Variants in GPC6 observed in about 807,000 individuals in gnomAD.
The protein encoded by GPC6 is glypican 6, also known as glypican-6.
A neutral mutation model predicts 55.2 loss-of-function variants in GPC6; 14 were observed. That is an observed-to-expected ratio of 0.25 (90% CI 0.17 to 0.40). GPC6 has a LOEUF of 0.40. GPC6 is among the 10% of genes least tolerant of loss of function. The probability of loss-of-function intolerance (pLI) is 1.00; values close to 1 mark genes in which losing one functional copy is unlikely to be tolerated. For missense variants in GPC6, 641 were observed against 708.5 expected (o/e 0.90, Z 1.08); for synonymous variants, 278 against 259.6 (o/e 1.07, Z -0.68).
intron 2 of GPC6, among the ~76,000 whole-genome samples, chr13:93,780,852 T>G (rs1885619526): frequency 6.6e-6 from 1 of 152,230 alleles, no homozygotes; most frequent in Non-Finnish European, 1.5e-5. Flanking sequence ...TGATTTTATT[T>G]TTAATTTCTT....
chr13:93,902,100 A>G (rs1226607824), intron 3 of GPC6, among the ~76,000 whole-genome samples: 1 of 152,036 alleles, frequency 6.6e-6, no homozygotes, highest in Non-Finnish European at 1.5e-5. Context: ...CTATTTTAAA[A>G]TGTACAATTA....
At chr13:94,127,034 A>T (rs1432098497) in intron 4 of GPC6, among the ~76,000 whole-genome samples, 1 of 152,108 alleles carries the variant, frequency 6.6e-6, no homozygotes, top group Non-Finnish European at 1.5e-5. Context: ...TGTACTAGTC[A>T]TTTTTCAATA....
intron 3 of GPC6, among the ~76,000 whole-genome samples, chr13:94,022,914 A>T (rs1260333094): frequency 6.6e-6 from 1 of 152,112 alleles, no homozygotes; most frequent in Non-Finnish European, 1.5e-5. Context: ...TATGAATAGC[A>T]TGTAAAAGTT....
At chr13:93,750,984 G>A (rs1933784) in intron 2 of GPC6, among the ~76,000 whole-genome samples, 139,634 of 152,078 alleles carry the variant, frequency 0.92, 64,246 homozygotes, top group Admixed American at 0.96. Flanking sequence ...GACAAAACCA[G>A]TGTGCAAAAG....
chr13:94,255,206 C>T (rs542501475), intron 4 of GPC6, among the ~76,000 whole-genome samples: 20 of 152,232 alleles, frequency 1.3e-4, no homozygotes, highest in Admixed American at 2.0e-4. Flanking sequence ...GCGTTTACAA[C>T]GCAGTGGAGG....
chr13:93,581,307 C>A (rs1238601775), intron 2 of GPC6, among the ~76,000 whole-genome samples: 2 of 152,176 alleles, frequency 1.3e-5, no homozygotes, highest in Non-Finnish European at 2.9e-5. Flanking sequence ...TGTTGCTACA[C>A]CTTTCAACAG....
chr13:94,050,267 A>G (rs1883895839), intron 4 of GPC6, among the ~76,000 whole-genome samples: 1 of 152,132 alleles, frequency 6.6e-6, no homozygotes, highest in Non-Finnish European at 1.5e-5. Context: ...AAATTACTGA[A>G]TAACAGAGTG....
At chr13:93,973,223 T>A (rs569474541) in intron 3 of GPC6, among the ~76,000 whole-genome samples, 43 of 152,326 alleles carry the variant, frequency 2.8e-4, no homozygotes, top group Admixed American at 1.1e-3. Context: ...GTGCAGCATG[T>A]GACTGTGCTG....
intron 4 of GPC6, among the ~76,000 whole-genome samples, chr13:94,108,077 T>C (rs1171443654): frequency 6.6e-6 from 1 of 152,088 alleles, no homozygotes; most frequent in Admixed American, 6.6e-5. Context: ...TTACAAAAGA[T>C]ACTTAAACAT....
chr13:93,403,379 T>G (rs1177351065), intron 1 of GPC6, among the ~76,000 whole-genome samples: 1 of 152,176 alleles, frequency 6.6e-6, no homozygotes, highest in East Asian at 1.9e-4. Flanking sequence ...TTTGTGAGGC[T>G]TCCTGAAGCT....
chr13:93,368,253 C>A lies in GPC6; in HGVS notation c.160+140637C>A, dbSNP rs200099568. ...AAAACTCCCTCCGTCCCTCCCTACT[C>A]CTTTGCCTCCCTTTCCTCCCTCCCT... is the stretch of plus-strand genomic sequence containing the variant. On this transcript the variant is annotated intron_variant, in intron 1 of 8. Transcript: ENST00000377047. 6.0e-5 allele frequency among the ~76,000 whole-genome samples: 9 copies of A among 151,170 alleles called. No individual in the cohort carries two copies. In the East Asian group the frequency reaches 1.8e-3, roughly 30 times the overall value.
chr13:94,018,968 T>A (rs1882596618), intron 3 of GPC6, among the ~76,000 whole-genome samples: 1 of 152,068 alleles, frequency 6.6e-6, no homozygotes, highest in Non-Finnish European at 1.5e-5. Flanking sequence ...CACGGAAAAA[T>A]TGTCTTCCAC....
intron 3 of GPC6, among the ~76,000 whole-genome samples, chr13:93,971,254 A>G (rs928765724): frequency 6.6e-6 from 1 of 152,200 alleles, no homozygotes; most frequent in African/African-American, 2.4e-5. Context: ...ATAATTCATT[A>G]TTGAATATGT....
At chr13:94,127,991 A>T (rs1182099487) in intron 4 of GPC6, among the ~76,000 whole-genome samples, 1 of 152,182 alleles carries the variant, frequency 6.6e-6, no homozygotes, top group African/African-American at 2.4e-5. Flanking sequence ...AGACAATGTT[A>T]TACAGTCCAC....
intron 1 of GPC6, among the ~76,000 whole-genome samples, chr13:93,415,022 G>C (rs1876646873): frequency 6.6e-6 from 1 of 152,184 alleles, no homozygotes; most frequent in Non-Finnish European, 1.5e-5. Flanking sequence ...ACATTTGGTT[G>C]ATAGCCTCCG....
At chr13:93,658,765 A>T (rs80085910) in intron 2 of GPC6, among the ~76,000 whole-genome samples, 5 of 151,698 alleles carry the variant, frequency 3.3e-5, no homozygotes, top group Non-Finnish European at 7.4e-5. Context: ...AATATTAAAA[A>T]CATTAATTTT....
At chr13:93,763,469 G>T (rs1885015895) in intron 2 of GPC6, among the ~76,000 whole-genome samples, 1 of 152,118 alleles carries the variant, frequency 6.6e-6, no homozygotes, top group African/African-American at 2.4e-5. Context: ...ATAGGACTTT[G>T]GGTAGCCCCC....
chr13:93,303,913 G>C (rs1878767843), intron 1 of GPC6, among the ~76,000 whole-genome samples: 1 of 142,236 alleles, frequency 7.0e-6, no homozygotes, highest in Non-Finnish European at 1.5e-5. Context: ...CTATTGCCCA[G>C]GCTGGAGTGT....
chr13:94,387,575 A>G (rs923192376), intron 7 of GPC6, among the ~76,000 whole-genome samples: 1 of 152,180 alleles, frequency 6.6e-6, no homozygotes, highest in Non-Finnish European at 1.5e-5. Context: ...AGTAAGTGCT[A>G]TGGATTGACT....
Sources: allele counts gnomAD v4.1 joint callset (sites outside exome capture counted in the v4.1 genomes callset), GRCh38; gene constraint gnomAD v4.1.1; transcripts MANE v1.5; gene names NCBI Gene and HGNC (gene_info 2026-07-23, HGNC 2026-07-21).